FANCL: variants seen among roughly 807,000 people sequenced by gnomAD.
FANCL encodes the protein E3 ubiquitin-protein ligase FANCL.
In FANCL, 69 loss-of-function variants were observed where a neutral mutation model predicts 59.4. That is an observed-to-expected ratio of 1.16 (90% CI 0.96 to 1.42). The LOEUF is 1.42. Among genes scored for constraint, FANCL ranks in the 40% most tolerant of loss-of-function variants. FANCL has a pLI of 0.00. For missense variants in FANCL, 519 were observed against 447.2 expected (o/e 1.16, Z -1.45); for synonymous variants, 180 against 147.1 (o/e 1.22, Z -1.62).
intron 6 of FANCL, among the ~76,000 whole-genome samples, chr2:58,202,993 T>G (rs747717121): frequency 6.7e-6 from 1 of 149,638 alleles, no homozygotes; most frequent in Non-Finnish European, 1.5e-5. Flanking sequence ...TGGCAACATG[T>G]GACCCTTTGG....
At chr2:58,165,514 A>ATCACCTTTTATAATGAAACACCTCAGT (rs1169346292) in intron 8 of FANCL, among the ~76,000 whole-genome samples, 1 of 152,170 alleles carries the variant, frequency 6.6e-6, no homozygotes, top group Non-Finnish European at 1.5e-5. Flanking sequence ...CCATTGGATC[A>ATCACCTTTTATAATGAAACACCTCAGT]TCACCTTTTA....
intron 7 of FANCL, among the ~76,000 whole-genome samples, chr2:58,188,590 G>GC (rs1327902152): frequency 6.6e-6 from 1 of 151,682 alleles, no homozygotes; most frequent in African/African-American, 2.4e-5. Context: ...CAGACACGTT[G>GC]CCCCCACACC....
chr2:58,173,905 A>G (rs546407450), intron 7 of FANCL, among the ~76,000 whole-genome samples: 55 of 152,248 alleles, frequency 3.6e-4, no homozygotes, highest in African/African-American at 1.3e-3. Flanking sequence ...TCACAAGCAG[A>G]GACACACATA....
intron 5 of FANCL, among the ~76,000 whole-genome samples, chr2:58,214,663 A>T (rs979561258): frequency 6.6e-6 from 1 of 151,300 alleles, no homozygotes; most frequent in Admixed American, 6.6e-5. Context: ...CACCACACCT[A>T]ATTTATTTAT....
At chr2:58,204,354 T>C in intron 5 of FANCL, 128 bp from the exon 6 acceptor site, 1 of 765,886 alleles carries the variant, frequency 1.3e-6, no homozygotes, top group Non-Finnish European at 2.3e-6. Context: ...ATCAGAGCAA[T>C]TTCTGCATGC....
At chr2:58,167,184 C>G (rs185774067) in intron 7 of FANCL, among the ~76,000 whole-genome samples, 1 of 152,284 alleles carries the variant, frequency 6.6e-6, no homozygotes, top group East Asian at 1.9e-4. Flanking sequence ...TGCACTCCAG[C>G]CTGGTGACAG....
intron 5 of FANCL, among the ~76,000 whole-genome samples, chr2:58,210,647 G>A (rs564915036): frequency 9.9e-5 from 15 of 152,154 alleles, no homozygotes; most frequent in South Asian, 6.2e-4. Context: ...CTCTTCCACC[G>A]ATGAGCCTAA....
intron 7 of FANCL, among the ~76,000 whole-genome samples, chr2:58,196,696 TCTTTTCATGGCATTGCAAA>T (rs1352329337): frequency 6.6e-6 from 1 of 151,972 alleles, no homozygotes; most frequent in Non-Finnish European, 1.5e-5. Flanking sequence ...TACTAAACAA[TCTTTTCATGGCATTGCAAA>T]CTTTTCCACA....
intron 1 of FANCL, 67 bp from the exon 2 acceptor site, chr2:58,232,179 G>A (rs985387822): frequency 3.2e-6 from 4 of 1,247,448 alleles, no homozygotes; most frequent in Middle Eastern, 1.9e-4. Context: ...AAGTTAAACA[G>A]AATCACAAAG....
chr2:58,213,298 A>G (rs1691360667), intron 5 of FANCL, among the ~76,000 whole-genome samples: 1 of 152,222 alleles, frequency 6.6e-6, no homozygotes, highest in African/African-American at 2.4e-5. Flanking sequence ...CAATTCTAGT[A>G]TGTGGACAGC....
chr2:58,198,049 G>C (rs1689608101), intron 7 of FANCL, among the ~76,000 whole-genome samples: 2 of 151,072 alleles, frequency 1.3e-5, no homozygotes, highest in Non-Finnish European at 3.0e-5. Flanking sequence ...GTGTGTGCGT[G>C]TGTGTGTGTG....
At chr2:58,217,874 A>G (rs1465327921) in intron 5 of FANCL, among the ~76,000 whole-genome samples, 1 of 152,116 alleles carries the variant, frequency 6.6e-6, no homozygotes, top group African/African-American at 2.4e-5. Context: ...AAAGCAAAGC[A>G]CTGTACCCAA....
chr2:58,216,789 C>A (rs1323408347), intron 5 of FANCL, among the ~76,000 whole-genome samples: 1 of 151,896 alleles, frequency 6.6e-6, no homozygotes, highest in Non-Finnish European at 1.5e-5. Context: ...TCACCTACAA[C>A]TGGGATGTAC....
At chr2:58,177,774 TAATAA>T (rs893403113) in intron 7 of FANCL, among the ~76,000 whole-genome samples, 7 of 129,826 alleles carry the variant, frequency 5.4e-5, no homozygotes, top group Non-Finnish European at 8.4e-5. Context: ...TAAAACTTAA[TAATAA>T]AATAAAAAAG....
intron 2 of FANCL, among the ~76,000 whole-genome samples, chr2:58,230,795 T>A (rs1693511238): frequency 6.6e-6 from 1 of 152,210 alleles, no homozygotes; most frequent in South Asian, 2.1e-4. Flanking sequence ...TGACTTCAAT[T>A]AATTATCCCT....
At chr2:58,216,906 T>C (rs530819895) in intron 5 of FANCL, among the ~76,000 whole-genome samples, 8 of 151,750 alleles carry the variant, frequency 5.3e-5, no homozygotes, top group Non-Finnish European at 1.5e-5. Context: ...TCATGATTCC[T>C]GACCCCCCAA....
chr2:58,219,155 AAAAAAAAAAAAAAAAAATATAT>A (rs1692162417), intron 5 of FANCL, among the ~76,000 whole-genome samples: 2 of 85,774 alleles, frequency 2.3e-5, no homozygotes, highest in African/African-American at 6.8e-5. Context: ...AAAAAAAAAA[AAAAAAAAAAAAAAAAAATATAT>A]ATATATATAT....
intron 1 of FANCL, among the ~76,000 whole-genome samples, chr2:58,235,376 T>C (rs1163273061): frequency 6.6e-6 from 1 of 152,102 alleles, no homozygotes; most frequent in Non-Finnish European, 1.5e-5. Flanking sequence ...AACCTTGCAA[T>C]GTAAGAGCCA....
At chr2:58,193,586 C>T (rs891983272) in intron 7 of FANCL, among the ~76,000 whole-genome samples, 1 of 152,060 alleles carries the variant, frequency 6.6e-6, no homozygotes, top group African/African-American at 2.4e-5. Context: ...AGCCATACCA[C>T]TGTGGCAACA....
Sources: allele counts gnomAD v4.1 joint callset (sites outside exome capture counted in the v4.1 genomes callset), GRCh38; gene constraint gnomAD v4.1.1; transcripts MANE v1.5; gene names NCBI Gene and HGNC (gene_info 2026-07-23, HGNC 2026-07-21).